The following USP18 variants were observed in gnomAD, a reference collection of about 807,000 sequenced individuals.
USP18 encodes ubiquitin specific peptidase 18.
In USP18, 11 loss-of-function variants were observed where a neutral mutation model predicts 48.7. The ratio of observed to expected loss-of-function variants is 0.23; its 90% CI spans 0.14 to 0.37. The LOEUF (loss-of-function observed/expected upper bound fraction) is 0.37. Ranked by LOEUF, USP18 falls within the 10% of genes least tolerant of loss-of-function variation. USP18 has a pLI of 1.00. For synonymous variants in USP18, 114 were observed against 163.2 expected, an observed-to-expected ratio of 0.70 and a Z score of 2.30; for missense variants, 285 against 436.4, an observed-to-expected ratio of 0.65 and a Z score of 3.09.
chr22:18,175,912 G>A (rs1469625946), intron 10 of USP18, among the ~76,000 whole-genome samples: 2 of 149,340 alleles, frequency 1.3e-5, no homozygotes, highest in Non-Finnish European at 2.9e-5. Flanking sequence ...TTGAGCCCAG[G>A]AGCACGAGGC....
At chr22:18,156,336 G>T (rs754884150) in intron 1 of USP18, among the ~76,000 whole-genome samples, 1 of 152,200 alleles carries the variant, frequency 6.6e-6, no homozygotes, top group Non-Finnish European at 1.5e-5. Flanking sequence ...ATAAAAGCAG[G>T]CTGCCCGAGC....
In USP18 at chr22:18,174,656, A is replaced by G. The variant is rs556394678; in HGVS notation, c.1073+814A>G. Among the ~76,000 whole-genome samples the G allele has an allele frequency of 1.9e-3, 283 of 150,896 alleles. 1 individual carries two copies. Among genetic ancestry groups the G allele is most frequent in the African/African-American group, 6.5e-3 (267 of 41,066 alleles). On this transcript the variant is annotated intron_variant, in intron 10 of 10. Transcript: ENST00000215794. The stretch of plus-strand genomic sequence containing the variant: ...CAGGCTGGAGCACTGTGGTGTGATC[A>G]TAGCTCACTGCAGCCTTGAACTCCT...
intron 1 of USP18, among the ~76,000 whole-genome samples, chr22:18,156,801 ACACT>A (rs1005230800): frequency 2.2e-4 from 33 of 152,354 alleles, no homozygotes; most frequent in African/African-American, 7.9e-4. Context: ...AAGAACTGTA[ACACT>A]CACTGCGAGG....
chr22:18,166,238 T>A (rs1929474912), intron 4 of USP18, among the ~76,000 whole-genome samples: 1 of 152,236 alleles, frequency 6.6e-6, no homozygotes, highest in African/African-American at 2.4e-5. Context: ...ACATTTTTCA[T>A]TTCAGTTATG....
intron 4 of USP18, 47 bp downstream of exon 4, chr22:18,161,982 T>C (rs1929347447): frequency 6.4e-7 from 1 of 1,570,440 alleles, no homozygotes; most frequent in Non-Finnish European, 8.6e-7. Context: ...CCAAAGGGGA[T>C]GGGAAGCTTA....
At chr22:18,174,377 G>T (rs1929723803) in intron 10 of USP18, among the ~76,000 whole-genome samples, 1 of 151,136 alleles carries the variant, frequency 6.6e-6, no homozygotes, top group African/African-American at 2.4e-5. Context: ...ACAGGTGTGT[G>T]CCACCACGCC....
At chr22:18,174,032 G>A (rs1246437789) in intron 10 of USP18, among the ~76,000 whole-genome samples, 190 bp downstream of exon 10, 2 of 151,868 alleles carry the variant, frequency 1.3e-5, no homozygotes, top group Non-Finnish European at 2.9e-5. Context: ...AGTACAGGTA[G>A]CTGCCAATCA....
At chr22:18,168,552 T>A (rs868176826) in intron 6 of USP18, among the ~76,000 whole-genome samples, 4 of 152,098 alleles carry the variant, frequency 2.6e-5, no homozygotes, top group Non-Finnish European at 4.4e-5. Context: ...CCCACCACCA[T>A]GCCCAGCTAA....
chr22:18,167,432 A>C, intron 5 of USP18, 98 bp downstream of exon 5: 1 of 1,363,736 alleles, frequency 7.3e-7, no homozygotes. Context: ...TAAAAGAGTT[A>C]ATCCCCTGTA....
rs1195705428 is a variant in USP18 at position 18,167,692 on chromosome 22, T to C, written c.481-198T>C. 2.5e-4 allele frequency among the ~76,000 whole-genome samples: 29 copies of C among 118,118 alleles called. 1 individual carries two copies. The highest frequency in any genetic ancestry group is 3.4e-5 in the Non-Finnish European group (2 of 59,404). The allele number at this position is 118,118 out of a possible 152,430, so 77.5% of individuals were successfully genotyped here. On this transcript the variant is annotated intron_variant, in intron 5 of 10. Transcript: ENST00000215794. ...CAGCCTGGGTGACAGAGCGAGACTC[T>C]GTCTCAAAAAAAAAAAAAAAAAAAA...
At chr22:18,154,531 C>T (rs985794578) in intron 1 of USP18, among the ~76,000 whole-genome samples, 2 of 152,148 alleles carry the variant, frequency 1.3e-5, no homozygotes, top group Non-Finnish European at 2.9e-5. Flanking sequence ...AGTGCAGCCT[C>T]AAACTCCTGG....
At chr22:18,170,519 C>A (rs1250374892) in intron 7 of USP18, among the ~76,000 whole-genome samples, 1 of 152,056 alleles carries the variant, frequency 6.6e-6, no homozygotes, top group Non-Finnish European at 1.5e-5. Flanking sequence ...GGTCCTGGTA[C>A]CTGTGCAGAG....
chr22:18,159,035 A>C (rs1472330051), intron 2 of USP18, among the ~76,000 whole-genome samples: 2 of 152,172 alleles, frequency 1.3e-5, no homozygotes, highest in African/African-American at 4.8e-5. Context: ...ACTATATTAA[A>C]ACTTTTCTTG....
In USP18 at chr22:18,170,630, C is replaced by T; in HGVS notation, c.724-123C>T. 11 of 1,288,124 alleles carry T rather than the reference C, an allele frequency of 8.5e-6. 3 individuals carry two copies. The highest frequency in any genetic ancestry group is 1.2e-5 in the Non-Finnish European group (11 of 950,738). 79.8% of individuals were successfully genotyped at this position (1,288,124 alleles called of 1,614,324 possible). A position where few individuals can be genotyped will look rare whatever the true frequency, so the allele number is the denominator to read the frequency against. ...CTCAGCAGATTCGGCGAACAGGAGC[C>T]TTGAACTCCGTGATGTCGCCCCGCT... On this transcript the variant is annotated intron_variant, in intron 7 of 10. Coordinates refer to ENST00000215794, the MANE Select transcript of USP18 (RefSeq NM_017414.4).
At chr22:18,156,434 C>G (rs986433679) in intron 1 of USP18, among the ~76,000 whole-genome samples, 3 of 152,212 alleles carry the variant, frequency 2.0e-5, no homozygotes, top group African/African-American at 4.8e-5. Flanking sequence ...ACTGCTCACT[C>G]TTTGGGTCCA....
At chr22:18,157,278 C>T (rs918416992) in intron 1 of USP18, among the ~76,000 whole-genome samples, 2 of 152,216 alleles carry the variant, frequency 1.3e-5, no homozygotes, top group African/African-American at 4.8e-5. Flanking sequence ...GGGCCTGGTC[C>T]TGGGTTGTAA....
In USP18 at chr22:18,160,355, G is replaced by C. The variant is rs1602523763; in HGVS notation, c.254+87G>C. The C allele has an allele frequency of 1.8e-5, 27 of 1,494,604 alleles. No homozygotes were observed. In the East Asian group the frequency reaches 6.2e-4, roughly 34 times the overall value. 92.6% of individuals were successfully genotyped at this position (1,494,604 alleles called of 1,614,324 possible). On this transcript the variant is annotated intron_variant, in intron 3 of 10. Coordinates refer to ENST00000215794, the MANE Select transcript of USP18 (RefSeq NM_017414.4). ...GAGTCTTGCTCTGTTGCCCAGGCTGGAGTGCAGTGGCATGATCTTGGCTCA... is the reference window on the plus strand; with the variant it reads ...GAGTCTTGCTCTGTTGCCCAGGCTGCAGTGCAGTGGCATGATCTTGGCTCA...
chr22:18,158,657 G>A (rs774981109), intron 2 of USP18, among the ~76,000 whole-genome samples: 2 of 152,102 alleles, frequency 1.3e-5, no homozygotes, highest in Non-Finnish European at 2.9e-5. Flanking sequence ...TCAGACAAAT[G>A]TTATCTTTTG....
At chr22:18,172,908 G>T (rs1024007428) in intron 8 of USP18, among the ~76,000 whole-genome samples, 2 of 146,120 alleles carry the variant, frequency 1.4e-5, no homozygotes, top group Non-Finnish European at 1.5e-5. Context: ...GGCTTTGGGG[G>T]CCTCTCTCAT....
Sources: gnomAD v4.1 joint callset for allele counts (sites outside exome capture counted in the v4.1 genomes callset) on GRCh38, gnomAD v4.1.1 for gene constraint, MANE v1.5 for transcripts, NCBI Gene and HGNC (gene_info 2026-07-23, HGNC 2026-07-21) for gene names.